The following PTPRD variants were observed in gnomAD, a reference collection of about 807,000 sequenced individuals.
PTPRD encodes receptor-type tyrosine-protein phosphatase delta.
PTPRD carries 34 observed loss-of-function variants against 214.5 expected under a neutral mutation model. That is an observed-to-expected ratio of 0.16 (90% confidence interval 0.12 to 0.21). The LOEUF is 0.21. Ranked by LOEUF, PTPRD falls within the 10% of genes least tolerant of loss-of-function variation. The pLI, the probability that PTPRD is intolerant of heterozygous loss-of-function variation, is 1.00. For synonymous variants in PTPRD, 1,128 were observed against 845.7 expected, an observed-to-expected ratio of 1.33 and a Z score of -5.79; for missense variants, 2,545 against 2,398.7, an observed-to-expected ratio of 1.06 and a Z score of -1.27.
intron 9 of PTPRD, among the ~76,000 whole-genome samples, chr9:9,380,339 A>T (rs1371990403): frequency 1.3e-5 from 2 of 152,074 alleles, no homozygotes; most frequent in Non-Finnish European, 2.9e-5. Context: ...TGTGTTATTT[A>T]GAAGAATGCA....
At chr9:8,864,475 CA>C (rs1020021870) in intron 11 of PTPRD, among the ~76,000 whole-genome samples, 1 of 152,170 alleles carries the variant, frequency 6.6e-6, no homozygotes, top group African/African-American at 2.4e-5. Context: ...AGCAGTTTTT[CA>C]AAGCTAGTAA....
chr9:10,280,694 C>A (rs147293741), intron 3 of PTPRD, among the ~76,000 whole-genome samples: 1 of 152,008 alleles, frequency 6.6e-6, no homozygotes, highest in Non-Finnish European at 1.5e-5. Context: ...TGCTGCTGCC[C>A]CAACCTCCTA....
At chr9:9,897,864 C>T (rs1004121968) in intron 5 of PTPRD, among the ~76,000 whole-genome samples, 3 of 152,002 alleles carry the variant, frequency 2.0e-5, no homozygotes, top group Non-Finnish European at 2.9e-5. Context: ...CTGTAAGAGC[C>T]TAATAGTATA....
chr9:9,869,822 G>A (rs770992035), intron 5 of PTPRD, among the ~76,000 whole-genome samples: 5 of 151,624 alleles, frequency 3.3e-5, no homozygotes, highest in Non-Finnish European at 7.4e-5. Flanking sequence ...ATGCAACATG[G>A]AGAACTGTTT....
chr9:9,427,917 A>G (rs968359149), intron 8 of PTPRD, among the ~76,000 whole-genome samples: 3 of 152,232 alleles, frequency 2.0e-5, no homozygotes, highest in Admixed American at 6.5e-5. Flanking sequence ...AAGAAGCACT[A>G]AACGTGGAAA....
intron 4 of PTPRD, among the ~76,000 whole-genome samples, chr9:9,989,605 C>T (rs947314859): frequency 3.9e-5 from 6 of 152,126 alleles, no homozygotes; most frequent in African/African-American, 1.2e-4. Context: ...ATTCACCACC[C>T]TCCAATTTTT....
chr9:9,491,559 T>C (rs973282233), intron 8 of PTPRD, among the ~76,000 whole-genome samples: 2 of 151,846 alleles, frequency 1.3e-5, no homozygotes, highest in African/African-American at 4.8e-5. Flanking sequence ...TAAGTCTCAA[T>C]AGGTTAGAAA....
intron 9 of PTPRD, among the ~76,000 whole-genome samples, chr9:9,201,371 T>C (rs556351097): frequency 1.3e-5 from 2 of 152,320 alleles, no homozygotes; most frequent in East Asian, 3.9e-4. Context: ...GAATGCTTAT[T>C]TGGACAACTA....
intron 2 of PTPRD, among the ~76,000 whole-genome samples, chr9:10,585,444 C>G (rs1219439878): frequency 6.8e-6 from 1 of 146,188 alleles, no homozygotes; most frequent in East Asian, 2.5e-4. Flanking sequence ...CAGACATATT[C>G]TCCAATTCAG....
intron 7 of PTPRD, among the ~76,000 whole-genome samples, chr9:9,676,929 G>C (rs948957595): frequency 2.6e-5 from 4 of 152,106 alleles, no homozygotes; most frequent in Non-Finnish European, 4.4e-5. Context: ...GTCTTCTTTT[G>C]AGAAGTGTCT....
chr9:9,919,727 T>C (rs1183899512), intron 5 of PTPRD, among the ~76,000 whole-genome samples: 1 of 152,154 alleles, frequency 6.6e-6, no homozygotes, highest in Admixed American at 6.6e-5. Flanking sequence ...CAACGGGCTA[T>C]ATTAGGTAGT....
At chr9:10,160,361 G>T (rs1022080197) in intron 3 of PTPRD, among the ~76,000 whole-genome samples, 9 of 152,018 alleles carry the variant, frequency 5.9e-5, no homozygotes, top group East Asian at 5.8e-4. Context: ...TAACAAAAAG[G>T]TTTCATAAAA....
At chr9:9,396,137 A>AT (rs2067720879) in intron 9 of PTPRD, among the ~76,000 whole-genome samples, 1 of 152,006 alleles carries the variant, frequency 6.6e-6, no homozygotes, top group South Asian at 2.1e-4. Context: ...ACAAAACAGC[A>AT]TTTTTGCTGT....
At chr9:10,429,034 T>C (rs533016338) in intron 2 of PTPRD, among the ~76,000 whole-genome samples, 37 of 152,158 alleles carry the variant, frequency 2.4e-4, no homozygotes, top group East Asian at 1.4e-3. Context: ...GAAGATACTA[T>C]CATCAAATTA....
intron 12 of PTPRD, among the ~76,000 whole-genome samples, chr9:8,671,124 G>T (rs1480969815): frequency 6.6e-6 from 1 of 151,894 alleles, no homozygotes; most frequent in Non-Finnish European, 1.5e-5. Flanking sequence ...GGAAAGTGAA[G>T]AATACAATTA....
chr9:10,184,413 A>G (rs886322045), intron 3 of PTPRD, among the ~76,000 whole-genome samples: 9 of 152,280 alleles, frequency 5.9e-5, no homozygotes, highest in African/African-American at 1.9e-4. Context: ...AAACAGAGCG[A>G]GGCTCCATTA....
At chr9:10,487,898 G>A (rs2484742) in intron 2 of PTPRD, among the ~76,000 whole-genome samples, 31,168 of 149,886 alleles carry the variant, frequency 0.21, 3,499 homozygotes, top group East Asian at 0.36. Flanking sequence ...GCAATATCTG[G>A]AAGAATTCTC....
intron 10 of PTPRD, among the ~76,000 whole-genome samples, chr9:9,064,463 G>T (rs1243227957): frequency 6.6e-6 from 1 of 152,086 alleles, no homozygotes; most frequent in African/African-American, 2.4e-5. Flanking sequence ...GTCACACAAT[G>T]ATCCAATCAG....
chr9:10,199,765 G>C (rs2099412169), intron 3 of PTPRD, among the ~76,000 whole-genome samples: 1 of 151,876 alleles, frequency 6.6e-6, no homozygotes, highest in Non-Finnish European at 1.5e-5. Context: ...GGATCCACCA[G>C]ATCATTTTGC....
Sources: allele counts gnomAD v4.1 joint callset (sites outside exome capture counted in the v4.1 genomes callset), GRCh38; gene constraint gnomAD v4.1.1; transcripts MANE v1.5; gene names NCBI Gene and HGNC (gene_info 2026-07-23, HGNC 2026-07-21).